CDK5RAP1: variants seen among roughly 807,000 people sequenced by gnomAD.
CDK5RAP1 encodes CDK5RAP1 mitochondrial tRNA methylthiotransferase.
A neutral mutation model predicts 64.5 loss-of-function variants in CDK5RAP1; 62 were observed. The ratio of observed to expected loss-of-function variants is 0.96; its 90% confidence interval spans 0.78 to 1.19. CDK5RAP1 has a LOEUF of 1.19. CDK5RAP1 is among the 50% of genes most tolerant of loss of function. The pLI is 0.00. For missense variants in CDK5RAP1, 657 were observed against 735.0 expected, an observed-to-expected ratio of 0.89 and a Z score of 1.23; for synonymous variants, 250 against 261.9, an observed-to-expected ratio of 0.95 and a Z score of 0.44.
intron 5 of CDK5RAP1, among the ~76,000 whole-genome samples, chr20:33,389,204 G>A (rs1294844488): frequency 6.0e-5 from 9 of 149,054 alleles, no homozygotes; most frequent in Admixed American, 1.3e-4. Context: ...GCCACCCATC[G>A]TCTGAGATGT....
intron 7 of CDK5RAP1, among the ~76,000 whole-genome samples, chr20:33,380,867 T>C (rs1986666611): frequency 6.6e-6 from 1 of 152,020 alleles, no homozygotes; most frequent in African/African-American, 2.4e-5. Flanking sequence ...CTGGGCGTGG[T>C]GGCAGGCACC....
chr20:33,388,539 TCCCTCTCC>T (rs1987773560), intron 5 of CDK5RAP1, among the ~76,000 whole-genome samples: 1 of 42,776 alleles, frequency 2.3e-5, no homozygotes, highest in African/African-American at 1.1e-4. Flanking sequence ...TCTCCCCCTC[TCCCTCTCC>T]CCCTCTCCCT....
chr20:33,359,221 G>T, intron 13 of CDK5RAP1, 98 bp from the exon 14 acceptor site: 1 of 875,848 alleles, frequency 1.1e-6, no homozygotes, highest in Non-Finnish European at 1.9e-6. Flanking sequence ...AAAGGAATCT[G>T]ATGGAGGCGA....
chr20:33,366,344 G>A (rs1200954831), intron 12 of CDK5RAP1, among the ~76,000 whole-genome samples: 2 of 147,952 alleles, frequency 1.4e-5, no homozygotes, highest in South Asian at 2.1e-4. Flanking sequence ...AAAAAAGGCC[G>A]GGCACGGTGG....
At chr20:33,376,508 G>C (rs1198128641) in intron 8 of CDK5RAP1, among the ~76,000 whole-genome samples, 1 of 152,078 alleles carries the variant, frequency 6.6e-6, no homozygotes, top group Admixed American at 6.6e-5. Flanking sequence ...TAGGAAAAAA[G>C]ATTCCTTTCT....
intron 8 of CDK5RAP1, among the ~76,000 whole-genome samples, chr20:33,377,382 C>T (rs775482210): frequency 1.3e-5 from 2 of 152,220 alleles, no homozygotes; most frequent in African/African-American, 4.8e-5. Flanking sequence ...ACAGCTTCTA[C>T]ATCAGCACTA....
intron 1 of CDK5RAP1, 128 bp downstream of exon 1, chr20:33,401,300 C>T: frequency 1.4e-6 from 1 of 705,000 alleles, no homozygotes; most frequent in Non-Finnish European, 1.7e-6. Context: ...ACGCCAGGCC[C>T]CACGCCATAA....
chr20:33,370,472 T>A (rs751187334), intron 11 of CDK5RAP1, 27 bp downstream of exon 11: 3 of 1,613,210 alleles, frequency 1.9e-6, no homozygotes, highest in African/African-American at 1.3e-5. Context: ...AGGAATGATG[T>A]CAGTCCTCCC....
intron 5 of CDK5RAP1, among the ~76,000 whole-genome samples, chr20:33,388,505 GCTCCCT>G (rs199659729): frequency 0.01 from 1,385 of 134,836 alleles, 67 homozygotes; most frequent in African/African-American, 0.036. Flanking sequence ...TAATTTTTCA[GCTCCCT>G]CTCCCTCTCC....
chr20:33,372,658 A>G lies in CDK5RAP1; in HGVS notation c.1245T>C (p.Ile415=). ...REAYVELVHH[I]RESIPGVSLS... The stretch of plus-strand genomic sequence containing the variant: ...TAAATGTACCTGGAATAGATTCTCT[A>G]ATATGGTGAACTAACTCCACATAAG... Residue 415 remains isoleucine, a synonymous_variant, in exon 10 of 14, where the codon ATT becomes ATC. Coordinates refer to ENST00000346416, the MANE Select transcript of CDK5RAP1 (RefSeq NM_016408.4). 1.3e-6 allele frequency: 2 copies of G among 1,561,366 alleles called. No homozygotes were observed. Among genetic ancestry groups the G allele is most frequent in the South Asian group, 2.4e-5 (2 of 83,362 alleles).
intron 7 of CDK5RAP1, among the ~76,000 whole-genome samples, chr20:33,380,309 C>T (rs1986575262): frequency 6.6e-6 from 1 of 152,158 alleles, no homozygotes; most frequent in African/African-American, 2.4e-5. Context: ...CTCACTGTAG[C>T]CTCAACCTCC....
At position 33,401,445 on chromosome 20, in the gene CDK5RAP1, G is replaced by A; in HGVS notation, c.-38C>T. The A allele has an allele frequency of 4.1e-6, 4 of 985,506 alleles. No homozygotes were observed. The highest frequency in any genetic ancestry group is 4.8e-6 in the Non-Finnish European group (4 of 829,948). 61.0% of individuals were successfully genotyped at this position (985,506 alleles called of 1,614,324 possible). A position where few individuals can be genotyped will look rare whatever the true frequency, so the allele number is the denominator to read the frequency against. ...CTGCTCACCTCCCGCAGCAGCAACAGTGCCCGGGGTCCCGCAGCGTAAGTT... is the reference window on the plus strand; with the variant it reads ...CTGCTCACCTCCCGCAGCAGCAACAATGCCCGGGGTCCCGCAGCGTAAGTT... On this transcript the variant is annotated 5_prime_UTR_variant, in exon 1 of 14. Coordinates refer to ENST00000346416, the MANE Select transcript of CDK5RAP1 (RefSeq NM_016408.4).
In CDK5RAP1 at chr20:33,377,548, G is replaced by A. The variant is rs1986164516; in HGVS notation, c.1107+1913C>T. Among the ~76,000 whole-genome samples the A allele has an allele frequency of 2.0e-5, 3 of 152,306 alleles. No homozygotes were observed. In the South Asian group the frequency reaches 6.2e-4, roughly 32 times the overall value. Reference sequence around the variant, plus strand: ...GGGCCTTGCTCTGGATTAGGCTTTGGCTTAAGGAAGTGCTGCGGCTTCTTT... The same window carrying A: ...GGGCCTTGCTCTGGATTAGGCTTTGACTTAAGGAAGTGCTGCGGCTTCTTT... On this transcript the variant is annotated intron_variant, in intron 8 of 13. Coordinates refer to ENST00000346416, the MANE Select transcript of CDK5RAP1 (RefSeq NM_016408.4).
At chr20:33,396,606 C>A (rs1276103180) in intron 2 of CDK5RAP1, among the ~76,000 whole-genome samples, 155 bp downstream of exon 2, 1 of 152,090 alleles carries the variant, frequency 6.6e-6, no homozygotes, top group Non-Finnish European at 1.5e-5. Flanking sequence ...AGTCGAGTTT[C>A]TTGATATTAA....
At chr20:33,379,271 G>A (rs940422252) in intron 8 of CDK5RAP1, among the ~76,000 whole-genome samples, 190 bp downstream of exon 8, 22 of 152,150 alleles carry the variant, frequency 1.4e-4, no homozygotes, top group Admixed American at 9.8e-4. Flanking sequence ...GATTATTGGT[G>A]TAAGCCCCGT....
At chr20:33,384,878 G>A (rs1987215748) in intron 7 of CDK5RAP1, among the ~76,000 whole-genome samples, 1 of 152,072 alleles carries the variant, frequency 6.6e-6, no homozygotes, top group Non-Finnish European at 1.5e-5. Flanking sequence ...CTCCAGCTTG[G>A]GTGACAGAGT....
intron 1 of CDK5RAP1, among the ~76,000 whole-genome samples, chr20:33,397,562 C>A (rs1421341030): frequency 1.3e-5 from 2 of 152,244 alleles, no homozygotes; most frequent in Non-Finnish European, 2.9e-5. Context: ...GCCCGTGCCA[C>A]TACCCATCTT....
intron 12 of CDK5RAP1, among the ~76,000 whole-genome samples, chr20:33,364,342 C>T (rs1344527951): frequency 1.3e-5 from 2 of 151,744 alleles, no homozygotes; most frequent in East Asian, 3.9e-4. Context: ...GTGCCTGCCA[C>T]CACACTTGGC....
chr20:33,388,438 A>T (rs889951764), intron 5 of CDK5RAP1, among the ~76,000 whole-genome samples: 1 of 152,152 alleles, frequency 6.6e-6, no homozygotes, highest in African/African-American at 2.4e-5. Context: ...CAAGCAACCC[A>T]AGTGTCTATT....
Sources: gnomAD v4.1 joint callset for allele counts (sites outside exome capture counted in the v4.1 genomes callset) on GRCh38, gnomAD v4.1.1 for gene constraint, MANE v1.5 for transcripts, NCBI Gene and HGNC (gene_info 2026-07-23, HGNC 2026-07-21) for gene names.